The following KDM4C variants were observed in gnomAD, a reference collection of about 807,000 sequenced individuals.
KDM4C encodes the protein lysine-specific demethylase 4C.
A neutral mutation model predicts 129.3 loss-of-function variants in KDM4C; 81 were observed. The ratio of observed to expected loss-of-function variants is 0.63; its 90% CI spans 0.52 to 0.75. KDM4C has a LOEUF of 0.75. Ranked by LOEUF, KDM4C falls within the 30% of genes least tolerant of loss-of-function variation. KDM4C has a pLI of 0.00. For missense variants in KDM4C, 1,457 were observed against 1,304.0 expected, an observed-to-expected ratio of 1.12 and a Z score of -1.81; for synonymous variants, 573 against 456.1, an observed-to-expected ratio of 1.26 and a Z score of -3.26.
At chr9:6,730,698 G>T (rs1226765399) in intron 1 of KDM4C, among the ~76,000 whole-genome samples, 6 of 152,040 alleles carry the variant, frequency 3.9e-5, no homozygotes, top group Non-Finnish European at 8.8e-5. Context: ...AATCACAGCA[G>T]ATATTCAGAG....
At chr9:6,764,003 T>C (rs1372263044) in intron 1 of KDM4C, among the ~76,000 whole-genome samples, 2 of 152,110 alleles carry the variant, frequency 1.3e-5, no homozygotes, top group African/African-American at 2.4e-5. Flanking sequence ...AGGTGATCCA[T>C]CCGCCTCGGC....
At chr9:7,024,168 G>C (rs1446148307) in intron 15 of KDM4C, among the ~76,000 whole-genome samples, 1 of 151,790 alleles carries the variant, frequency 6.6e-6, no homozygotes, top group Non-Finnish European at 1.5e-5. Context: ...TGTAGATTAC[G>C]TGTGATATTT....
At chr9:7,049,031 C>A in intron 16 of KDM4C, 61 bp from the exon 17 acceptor site, 1 of 1,090,238 alleles carries the variant, frequency 9.2e-7, no homozygotes, top group South Asian at 1.3e-5. Flanking sequence ...CTGGCATCAC[C>A]AAGTTGAAGT....
intron 4 of KDM4C, among the ~76,000 whole-genome samples, chr9:6,827,593 A>G (rs749440931): frequency 1.6e-4 from 25 of 152,230 alleles, no homozygotes; most frequent in Non-Finnish European, 3.2e-4. Context: ...TTTCCAAATG[A>G]GGTAAAACAG....
At position 6,967,121 on chromosome 9, in the gene KDM4C, C is replaced by A. The variant is rs539355967; in HGVS notation, c.922-13804C>A. Among the ~76,000 whole-genome samples, 3 of 151,974 alleles carry A rather than the reference C, an allele frequency of 2.0e-5. No individual in the cohort carries two copies. The South Asian group carries it at 6.3e-4, about 32-fold the overall frequency. The stretch of plus-strand genomic sequence containing the variant: ...CTAAAGCATCTCCCTGAAAAATGGG[C>A]CAAAAATTATACAGACTCCTGGCCG... On this transcript the variant is annotated intron_variant, in intron 8 of 21. Transcript: ENST00000381309.
chr9:7,036,510 A>G (rs578180016), intron 15 of KDM4C, among the ~76,000 whole-genome samples: 73 of 152,044 alleles, frequency 4.8e-4, no homozygotes, highest in African/African-American at 1.7e-3. Flanking sequence ...CCTCAAATTA[A>G]TTTTCATAGC....
At chr9:7,118,567 A>C (rs1839165193) in intron 18 of KDM4C, among the ~76,000 whole-genome samples, 1 of 152,194 alleles carries the variant, frequency 6.6e-6, no homozygotes, top group South Asian at 2.1e-4. Context: ...ACTTTGAAAA[A>C]ATACAATAAT....
At chr9:6,910,770 T>C (rs1042487988) in intron 8 of KDM4C, among the ~76,000 whole-genome samples, 1 of 152,234 alleles carries the variant, frequency 6.6e-6, no homozygotes, top group African/African-American at 2.4e-5. Context: ...TTGGATAGTC[T>C]TCACAGTGTT....
intron 15 of KDM4C, among the ~76,000 whole-genome samples, chr9:7,043,615 G>A (rs1425074637): frequency 6.6e-6 from 1 of 151,794 alleles, no homozygotes; most frequent in Non-Finnish European, 1.5e-5. Context: ...AGATCAACTA[G>A]TTTGACCCTC....
At chr9:6,890,748 C>T (rs996391549) in intron 7 of KDM4C, among the ~76,000 whole-genome samples, 4 of 152,128 alleles carry the variant, frequency 2.6e-5, no homozygotes, top group Admixed American at 1.3e-4. Flanking sequence ...GCAGTCCTCC[C>T]TCTCCTCTCA....
intron 17 of KDM4C, among the ~76,000 whole-genome samples, chr9:7,066,843 A>G (rs1179437148): frequency 2.0e-5 from 3 of 152,212 alleles, no homozygotes. Context: ...CTCTAGGAAG[A>G]AGCCATCCAG....
At chr9:6,723,207 C>G (rs1464291317) in intron 1 of KDM4C, among the ~76,000 whole-genome samples, 1 of 151,914 alleles carries the variant, frequency 6.6e-6, no homozygotes, top group Non-Finnish European at 1.5e-5. Flanking sequence ...AACCCCGTCT[C>G]TACTAAAAAT....
At chr9:6,836,369 C>A (rs1053439369) in intron 4 of KDM4C, among the ~76,000 whole-genome samples, 6 of 151,918 alleles carry the variant, frequency 3.9e-5, no homozygotes, top group African/African-American at 1.5e-4. Context: ...AAGACTCTGT[C>A]TCAAAAAAAT....
intron 6 of KDM4C, among the ~76,000 whole-genome samples, chr9:6,884,035 G>T (rs114176072): frequency 6.6e-6 from 1 of 152,014 alleles, no homozygotes; most frequent in African/African-American, 2.4e-5. Flanking sequence ...ATTACACAAC[G>T]CGCACCATGT....
intron 17 of KDM4C, among the ~76,000 whole-genome samples, chr9:7,064,868 C>T (rs1046248174): frequency 2.6e-5 from 4 of 152,074 alleles, no homozygotes; most frequent in Admixed American, 6.5e-5. Flanking sequence ...TCCATTTGGC[C>T]AGTGATGATA....
chr9:7,006,681 C>G (rs1093704), intron 12 of KDM4C, among the ~76,000 whole-genome samples: 151,214 of 152,214 alleles, frequency 0.99, 75,119 homozygotes, highest in Middle Eastern at 1. Flanking sequence ...ATATAAATCA[C>G]ATATTTTTGT....
At chr9:6,841,228 C>T (rs985235289) in intron 4 of KDM4C, among the ~76,000 whole-genome samples, 2 of 151,794 alleles carry the variant, frequency 1.3e-5, no homozygotes, top group African/African-American at 4.8e-5. Flanking sequence ...ATTATTGGCC[C>T]AGTTTGGAGT....
intron 14 of KDM4C, 124 bp downstream of exon 14, chr9:7,014,125 A>G (rs557002667): frequency 7.1e-6 from 5 of 702,312 alleles, no homozygotes; most frequent in Non-Finnish European, 9.5e-6. Flanking sequence ...TGGTTATATC[A>G]TTCTTTTTCA....
intron 17 of KDM4C, chr9:7,077,322 G>C (rs755023019): frequency 2.9e-6 from 2 of 690,950 alleles, no homozygotes; most frequent in Non-Finnish European, 1.8e-6. Context: ...ACATATAGTT[G>C]TCATCCTATG....
Sources: gnomAD v4.1 joint callset for allele counts (sites outside exome capture counted in the v4.1 genomes callset) on GRCh38, gnomAD v4.1.1 for gene constraint, MANE v1.5 for transcripts, NCBI Gene and HGNC (gene_info 2026-07-23, HGNC 2026-07-21) for gene names.